PRSS33: variants seen among roughly 807,000 people sequenced by gnomAD.
PRSS33 encodes the protein serine protease 33.
Under a neutral mutation model 26.7 loss-of-function variants are expected in PRSS33, and 32 were observed. The observed-to-expected ratio is 1.20, with a 90% CI of 0.90 to 1.61. PRSS33 has a LOEUF of 1.61. Ranked by LOEUF, PRSS33 falls within the 40% of genes most tolerant of loss-of-function variation. The probability of loss-of-function intolerance (pLI) is 0.00; values close to 1 mark genes in which losing one functional copy is unlikely to be tolerated. For missense variants in PRSS33, 450 were observed against 396.3 expected, an observed-to-expected ratio of 1.14 and a Z score of -1.15; for synonymous variants, 192 against 177.6, an observed-to-expected ratio of 1.08 and a Z score of -0.64.
chr16:2,786,451 T>C (rs772687463), intron 2 of PRSS33, 51 bp downstream of exon 2: 1 of 1,608,196 alleles, frequency 6.2e-7, no homozygotes, highest in Non-Finnish European at 8.5e-7. Context: ...ATGGGAGAAC[T>C]GGGAGCCAAG....
Position 2,784,792 on chromosome 16 carries a change from C to T in PRSS33, c.695G>A (p.Gly232Glu), listed in dbSNP as rs756266926. 2.5e-6 allele frequency: 4 copies of T among 1,606,608 alleles called. No homozygotes were observed. The highest frequency in any genetic ancestry group is 2.2e-5 in the East Asian group (1 of 44,654). ...AGACTGCAGGCAGGTCAGAGGTCCC[C>T]CAGAATCACCCTGCAGGAGAAAGAG... ...GHKDACQGDSGGPLTCLQSGS... is the reference protein window; with the variant it reads ...GHKDACQGDSEGPLTCLQSGS... The change falls in exon 7 of 7, where the codon GGG becomes GAG. Residue 232 changes from glycine to glutamate, a missense_variant. Gly to Glu is a moderately conservative substitution (Grantham distance 98, BLOSUM62 -2). Transcript: ENST00000682474.
At position 2,784,799 on chromosome 16, in the gene PRSS33, C is replaced by T. The variant is rs1425565547; in HGVS notation, c.688G>A (p.Asp230Asn). Residue 230 changes from aspartate to asparagine, a missense_variant, in exon 7 of 7, where the codon GAT (aspartate) becomes AAT (asparagine). Asp to Asn is a conservative substitution (Grantham distance 23, BLOSUM62 1). Transcript: ENST00000682474. ...AGGCAGGTCAGAGGTCCCCCAGAAT[C>T]ACCCTGCAGGAGAAAGAGGAGCCTA... ...PQGHKDACQG[D>N]SGGPLTCLQS... is the part of the protein sequence containing the mutation. 7 of 1,605,692 alleles carry T rather than the reference C, an allele frequency of 4.4e-6. No homozygotes were observed. Among genetic ancestry groups the T allele is most frequent in the East Asian group, 2.2e-5 (1 of 44,674 alleles).
At position 2,784,503 on chromosome 16, in the gene PRSS33, TG is replaced by T. The variant is rs1567260716; in HGVS notation, c.*140del. ...AGGAGAGGAGGCAGGAGGTGGTGGG[TG>T]GGGGGTGGGGTGGCCTTTAGCTTTT... On this transcript the variant is annotated 3_prime_UTR_variant, in exon 7 of 7. Transcript: ENST00000682474. 2.1e-5 allele frequency: 11 copies of T among 514,680 alleles called. No individual in the cohort carries two copies. Among genetic ancestry groups the T allele is most frequent in the African/African-American group, 3.4e-5 (1 of 29,322 alleles). 31.9% of individuals were successfully genotyped at this position (514,680 alleles called of 1,614,324 possible). A position where few individuals can be genotyped will look rare whatever the true frequency, so the allele number is the denominator to read the frequency against.
chr16:2,785,817 G>A lies in PRSS33; in HGVS notation c.224C>T (p.Ala75Val), dbSNP rs745956582. The A allele has an allele frequency of 1.2e-5, 19 of 1,601,224 alleles. No individual in the cohort carries two copies. Among genetic ancestry groups the A allele is most frequent in the Admixed American group, 1.0e-4 (6 of 58,962 alleles). The stretch of plus-strand genomic sequence containing the variant: ...CGCTGACCTGGGGAAGCAGTGCGCC[G>A]CTGTCAGCACCCACTGGGGGGCGAT... ...SLIAPQWVLT[A>V]AHCFPRRALP... Residue 75 changes from alanine to valine, a missense_variant, in exon 4 of 7, where the codon GCG becomes GTG. Coordinates refer to ENST00000682474, the MANE Select transcript of PRSS33 (RefSeq NM_152891.3).
At position 2,784,606 on chromosome 16, in the gene PRSS33, C is replaced by A. The variant is rs1464617869; in HGVS notation, c.*38G>T. 1.3e-6 allele frequency: 2 copies of A among 1,532,806 alleles called. No homozygotes were observed. Among genetic ancestry groups the A allele is most frequent in the Admixed American group, 3.9e-5 (2 of 51,338 alleles). 95.0% of individuals were successfully genotyped at this position (1,532,806 alleles called of 1,614,324 possible). A position where few individuals can be genotyped will look rare whatever the true frequency, so the allele number is the denominator to read the frequency against. On this transcript the variant is annotated 3_prime_UTR_variant, in exon 7 of 7. Coordinates refer to ENST00000682474, the MANE Select transcript of PRSS33 (RefSeq NM_152891.3). ...TGGATGAACCAGGAGGCTGAGGGACCCCAGCAGCTGGCTCCAGGTCAGCCT... is the reference window on the plus strand; with the variant it reads ...TGGATGAACCAGGAGGCTGAGGGACACCAGCAGCTGGCTCCAGGTCAGCCT...
In PRSS33 at chr16:2,785,438, C is replaced by A. The variant is rs1430748661; in HGVS notation, c.451G>T (p.Gly151Cys). Residue 151 changes from glycine (G) to cysteine (C), a missense_variant, in exon 5 of 7, where the codon GGC (glycine) becomes TGC (cysteine). Transcript: ENST00000682474. The part of the protein sequence containing the change: ...RVQPVCLPVP[G>C]ARPPPGTPCR... ...GGTGTGCCGGGCGGCGGGCGGGCGC[C>A]GGGCACGGGCAGGCAGACGGGTTGG... The A allele has an allele frequency of 6.8e-7, 1 of 1,475,436 alleles. No individual in the cohort carries two copies. Among genetic ancestry groups the A allele is most frequent in the Admixed American group, 2.5e-5 (1 of 39,378 alleles). The allele number at this position is 1,475,436 out of a possible 1,614,324, so 91.4% of individuals were successfully genotyped here.
intron 2 of PRSS33, 83 bp downstream of exon 2, chr16:2,786,419 G>C: frequency 1.3e-6 from 2 of 1,528,268 alleles, no homozygotes; most frequent in Middle Eastern, 1.7e-4. Context: ...GCTCCAGGGA[G>C]CCCGGCCCAG....
Position 2,785,079 on chromosome 16 carries a change from C to G in PRSS33, c.607G>C (p.Val203Leu), listed in dbSNP as rs554016491. The part of the protein sequence containing the change: ...CDGLYHVGAD[V>L]PQAERIVLPG... ...AGCACAATGCGCTCAGCCTGGGGCACGTCCGCGCCCACGTGGTAGAGGCCG... is the reference window on the plus strand; with the variant it reads ...AGCACAATGCGCTCAGCCTGGGGCAGGTCCGCGCCCACGTGGTAGAGGCCG... The change falls in exon 6 of 7, where the codon GTG becomes CTG. Residue 203 changes from valine to leucine, a missense_variant. By Grantham distance (32) the Val-to-Leu change is conservative. Coordinates refer to ENST00000682474, the MANE Select transcript of PRSS33 (RefSeq NM_152891.3). The G allele has an allele frequency of 1.3e-6, 2 of 1,566,034 alleles. No homozygotes were observed. The highest frequency in any genetic ancestry group is 1.4e-5 in the African/African-American group (1 of 74,058).
chr16:2,786,230 A>T (rs1473419390), intron 2 of PRSS33, 109 bp from the exon 3 acceptor site: 1 of 1,073,388 alleles, frequency 9.3e-7, no homozygotes, highest in African/African-American at 1.6e-5. Flanking sequence ...TTGCCCTGAC[A>T]TTGCGCCAGG....
In PRSS33 at chr16:2,785,048, C is replaced by T; in HGVS notation, c.638G>A (p.Gly213Glu). The T allele has an allele frequency of 1.3e-6, 2 of 1,586,062 alleles. No individual in the cohort carries two copies. Among genetic ancestry groups the T allele is most frequent in the South Asian group, 1.1e-5 (1 of 87,434 alleles). ...CTGGGGGTAGCCGGCACACAGACTC[C>T]CAGGCAGCACAATGCGCTCAGCCTG... Reference protein sequence around the residue: ...VPQAERIVLPGSLCAGYPQGH... With the variant: ...VPQAERIVLPESLCAGYPQGH... The change falls in exon 6 of 7, where the codon GGG (glycine) becomes GAG (glutamate). Residue 213 changes from glycine to glutamate, a missense_variant. By Grantham distance (98) the Gly-to-Glu change is moderately conservative. Transcript: ENST00000682474.
In PRSS33 at chr16:2,786,083, C is replaced by T; in HGVS notation, c.79+6G>A. Reference sequence around the variant, plus strand: ...CTGACTCGGGTGGACTCCGAGGCTTCCTCACCTGCAGACTTCCTTCCCTGA... The same window carrying T: ...CTGACTCGGGTGGACTCCGAGGCTTTCTCACCTGCAGACTTCCTTCCCTGA... On this transcript the variant is annotated splice_donor_region_variant and intron_variant, in intron 3 of 6. Coordinates refer to ENST00000682474, the MANE Select transcript of PRSS33 (RefSeq NM_152891.3). 6.2e-7 allele frequency: 1 copy of T among 1,613,502 alleles called. No homozygotes were observed. The highest frequency in any genetic ancestry group is 8.5e-7 in the Non-Finnish European group (1 of 1,179,764).
At chr16:2,785,772 C>A in intron 4 of PRSS33, 27 bp downstream of exon 4, 1 of 1,559,834 alleles carries the variant, frequency 6.4e-7, no homozygotes, top group Non-Finnish European at 8.6e-7. Flanking sequence ...CTTGCACACC[C>A]CGCCTGGGCC....
chr16:2,786,025 G>A (rs768183799), intron 3 of PRSS33, 64 bp from the exon 4 acceptor site: 10 of 1,611,684 alleles, frequency 6.2e-6, no homozygotes, highest in Non-Finnish European at 8.5e-6. Flanking sequence ...GCAGGTGTTG[G>A]TGGGGAGACA....
rs1158600730 is a variant in PRSS33 at position 2,785,919 on chromosome 16, C to T, written c.122G>A (p.Arg41Gln). The change falls in exon 4 of 7, where the codon CGG becomes CAG. Residue 41 changes from arginine to glutamine, a missense_variant. Coordinates refer to ENST00000682474, the MANE Select transcript of PRSS33 (RefSeq NM_152891.3). ...PRMSSRIVGG[R>Q]DGRDGEWPWQ... Reference sequence around the variant, plus strand: ...CGGCCACTCTCCGTCCCGGCCATCCCGGCCCCCAACGATCCGACTGGACAT... The same window carrying T: ...CGGCCACTCTCCGTCCCGGCCATCCTGGCCCCCAACGATCCGACTGGACAT... The T allele has an allele frequency of 1.2e-6, 2 of 1,612,088 alleles. No individual in the cohort carries two copies. The highest frequency in any genetic ancestry group is 1.7e-5 in the Admixed American group (1 of 59,926).
intron 2 of PRSS33, 23 bp downstream of exon 2, chr16:2,786,479 C>T (rs1206463411): frequency 1.2e-6 from 2 of 1,612,956 alleles, no homozygotes; most frequent in Non-Finnish European, 1.7e-6. Flanking sequence ...CGGCCCTCAC[C>T]CCCAGTCCCT....
chr16:2,786,077 A>G lies in PRSS33; in HGVS notation c.79+12T>C. The G allele has an allele frequency of 6.2e-7, 1 of 1,613,352 alleles. No homozygotes were observed. The highest frequency in any genetic ancestry group is 8.5e-7 in the Non-Finnish European group (1 of 1,179,682). ...GAGGGGCTGACTCGGGTGGACTCCG[A>G]GGCTTCCTCACCTGCAGACTTCCTT... is the stretch of plus-strand genomic sequence containing the variant. On this transcript the variant is annotated intron_variant, in intron 3 of 6. Coordinates refer to ENST00000682474, the MANE Select transcript of PRSS33 (RefSeq NM_152891.3).
In PRSS33 at chr16:2,784,338, T is replaced by C. The variant is rs370452456; in HGVS notation, c.*306A>G. On this transcript the variant is annotated 3_prime_UTR_variant, in exon 7 of 7. Coordinates refer to ENST00000682474, the MANE Select transcript of PRSS33 (RefSeq NM_152891.3). ...GGGCAGCAATTGGTTTGCCCATCAC[T>C]GCGTGCCTTGCGCCCAGCCCTGGCC... The C allele has an allele frequency of 9.3e-4, 242 of 260,418 alleles. 1 individual carries two copies. Among genetic ancestry groups the C allele is most frequent in the African/African-American group, 5.3e-3 (238 of 45,168 alleles). The allele number at this position is 260,418 out of a possible 1,614,324, so 16.1% of individuals were successfully genotyped here.
At chr16:2,785,246 G>C (rs1715129849) in intron 5 of PRSS33, 75 bp from the exon 6 acceptor site, 1 of 1,454,768 alleles carries the variant, frequency 6.9e-7, no homozygotes, top group African/African-American at 1.4e-5. Flanking sequence ...CTCTGAGTGA[G>C]AGGAGGTTTT....
At position 2,785,572 on chromosome 16, in the gene PRSS33, G is replaced by T; in HGVS notation, c.317C>A (p.Ser106Ter). The T allele has an allele frequency of 6.6e-7, 1 of 1,526,522 alleles. No individual in the cohort carries two copies. The highest frequency in any genetic ancestry group is 8.7e-7 in the Non-Finnish European group (1 of 1,143,892). The allele number at this position is 1,526,522 out of a possible 1,614,324, so 94.6% of individuals were successfully genotyped here. A position where few individuals can be genotyped will look rare whatever the true frequency, so the allele number is the denominator to read the frequency against. Residue 106 changes from serine (S) to a stop codon, truncating the protein, a stop_gained, in exon 5 of 7, where the codon TCG becomes TAG. Transcript: ENST00000682474. LOFTEE classifies it high-confidence loss of function. Reference protein sequence around the residue: ...RLGSTSPRTLSVPVRRVLLPP... With the variant: ...RLGSTSPRTL The stretch of plus-strand genomic sequence containing the variant: ...CAGCAGCACCCGTCGCACGGGCACC[G>T]AGAGCGTGCGGGGCGAGGTGGAGCC...
Sources: allele counts gnomAD v4.1 joint callset, GRCh38; gene constraint gnomAD v4.1.1; transcripts MANE v1.5; gene names NCBI Gene and HGNC (gene_info 2026-07-23, HGNC 2026-07-21).